The following EXT1 variants were observed in gnomAD, a reference collection of about 807,000 sequenced individuals.
The protein encoded by EXT1 is exostosin glycosyltransferase 1.
In EXT1, 20 loss-of-function variants were observed where a neutral mutation model predicts 82.5. That is an observed-to-expected ratio of 0.24 (90% confidence interval 0.17 to 0.35). The LOEUF (loss-of-function observed/expected upper bound fraction) is 0.35. Among genes scored for constraint, EXT1 ranks in the 10% least tolerant of loss-of-function variants. The pLI is 1.00. For synonymous variants in EXT1, 348 were observed against 350.8 expected (o/e 0.99, Z 0.09); for missense variants, 757 against 936.5 (o/e 0.81, Z 2.50).
rs552858376 is a variant in EXT1 at position 117,994,515 on chromosome 8, G to A, written c.962+115570C>T. ...AGTCCCAGCTACTAGGGAGAGTGAG[G>A]CAGGAGGATCACTTGAGCCTGGGAG... On this transcript the variant is annotated intron_variant, in intron 1 of 10. Coordinates refer to ENST00000378204, the MANE Select transcript of EXT1 (RefSeq NM_000127.3). 2.0e-5 allele frequency among the ~76,000 whole-genome samples: 3 copies of A among 152,278 alleles called. No homozygotes were observed. The South Asian group carries it at 6.2e-4, about 32-fold the overall frequency.
At chr8:118,029,418 C>A (rs1047033430) in intron 1 of EXT1, among the ~76,000 whole-genome samples, 13 of 152,260 alleles carry the variant, frequency 8.5e-5, no homozygotes, top group Non-Finnish European at 1.3e-4. Context: ...GAGACCTCAT[C>A]TCTTTATTAA....
At chr8:117,846,341 C>T (rs1490691903) in intron 1 of EXT1, among the ~76,000 whole-genome samples, 1 of 152,078 alleles carries the variant, frequency 6.6e-6, no homozygotes, top group Non-Finnish European at 1.5e-5. Flanking sequence ...CTCCTGGCCT[C>T]AAGTGATACA....
At chr8:117,948,008 G>A (rs997836210) in intron 1 of EXT1, among the ~76,000 whole-genome samples, 3 of 152,158 alleles carry the variant, frequency 2.0e-5, no homozygotes, top group Non-Finnish European at 4.4e-5. Context: ...AGTGATGAAT[G>A]AGGAAATACC....
At chr8:118,044,807 G>A (rs891414669) in intron 1 of EXT1, among the ~76,000 whole-genome samples, 7 of 152,148 alleles carry the variant, frequency 4.6e-5, no homozygotes, top group African/African-American at 1.7e-4. Context: ...CCGAGTAGCT[G>A]GGACTACAGG....
At chr8:118,019,430 C>T (rs1465252457) in intron 1 of EXT1, among the ~76,000 whole-genome samples, 3 of 152,122 alleles carry the variant, frequency 2.0e-5, no homozygotes, top group East Asian at 1.9e-4. Flanking sequence ...AGAGAGAATA[C>T]GACTCAGAGC....
At chr8:117,868,690 T>A (rs959426885) in intron 1 of EXT1, among the ~76,000 whole-genome samples, 1 of 152,004 alleles carries the variant, frequency 6.6e-6, no homozygotes, top group Non-Finnish European at 1.5e-5. Context: ...GCTCAAGCAA[T>A]CCTCTCACCT....
chr8:118,037,262 G>A (rs1401414879), intron 1 of EXT1, among the ~76,000 whole-genome samples: 1 of 152,088 alleles, frequency 6.6e-6, no homozygotes, highest in Non-Finnish European at 1.5e-5. Context: ...TTATGTCAAG[G>A]CGTGGGAGGG....
chr8:117,985,601 G>A (rs960423865), intron 1 of EXT1, among the ~76,000 whole-genome samples: 27 of 151,400 alleles, frequency 1.8e-4, no homozygotes, highest in African/African-American at 5.8e-4. Flanking sequence ...AGAACTGGGA[G>A]GAAAAAAATG....
intron 1 of EXT1, among the ~76,000 whole-genome samples, chr8:117,856,510 C>T (rs1010761773): frequency 6.6e-6 from 1 of 150,670 alleles, no homozygotes; most frequent in Non-Finnish European, 1.5e-5. Flanking sequence ...TCATGATCCG[C>T]CCACCTCGGC....
intron 1 of EXT1, among the ~76,000 whole-genome samples, chr8:117,985,193 C>A (rs996538578): frequency 1.3e-5 from 2 of 152,186 alleles, no homozygotes; most frequent in African/African-American, 4.8e-5. Context: ...TCTGAGGGAT[C>A]TCTGAATAAA....
chr8:117,864,768 CA>C (rs767778554), intron 1 of EXT1, among the ~76,000 whole-genome samples: 3,583 of 117,486 alleles, frequency 0.03, 127 homozygotes, highest in African/African-American at 0.092. Context: ...AAAAAAATCG[CA>C]AAAAAAAAAA....
chr8:117,808,255 T>C (rs528456370), intron 8 of EXT1, among the ~76,000 whole-genome samples: 6 of 152,372 alleles, frequency 3.9e-5, no homozygotes, highest in African/African-American at 1.2e-4. Flanking sequence ...CAAACAATCA[T>C]ATAATGCTCA....
In EXT1 at chr8:118,025,435, A is replaced by C. The variant is rs113850160; in HGVS notation, c.962+84650T>G. Among the ~76,000 whole-genome samples, 185 of 152,296 alleles carry C rather than the reference A, an allele frequency of 1.2e-3. 1 individual carries two copies. The highest frequency in any genetic ancestry group is 4.4e-3 in the African/African-American group (184 of 41,560). On this transcript the variant is annotated intron_variant, in intron 1 of 10. Coordinates refer to ENST00000378204, the MANE Select transcript of EXT1 (RefSeq NM_000127.3). ...CACTAGGTCAAGATAACAAAATGAG[A>C]GAAGAGCTTGCTATTATTATCTATT...
intron 1 of EXT1, among the ~76,000 whole-genome samples, chr8:117,878,159 A>T (rs1586259164): frequency 6.6e-6 from 1 of 152,198 alleles, no homozygotes; most frequent in African/African-American, 2.4e-5. Context: ...CTGTAGTCTC[A>T]GCTACTAGGA....
chr8:117,873,372 T>C (rs1050431542), intron 1 of EXT1, among the ~76,000 whole-genome samples: 8 of 152,160 alleles, frequency 5.3e-5, no homozygotes, highest in Middle Eastern at 3.4e-3. Flanking sequence ...AAACTACAAT[T>C]TCCCATGAAG....
At chr8:117,815,174 T>C (rs142504679) in intron 7 of EXT1, among the ~76,000 whole-genome samples, 3 of 152,320 alleles carry the variant, frequency 2.0e-5, no homozygotes, top group African/African-American at 7.2e-5. Context: ...GCAGAAACCA[T>C]TAGCTGCCAG....
chr8:117,946,568 C>T (rs1226793384), intron 1 of EXT1, among the ~76,000 whole-genome samples: 1 of 152,106 alleles, frequency 6.6e-6, no homozygotes, highest in Non-Finnish European at 1.5e-5. Context: ...CCTACAGGAG[C>T]GGGCAGGCAC....
chr8:117,825,163 C>T (rs1384159847), intron 4 of EXT1, among the ~76,000 whole-genome samples: 1 of 152,204 alleles, frequency 6.6e-6, no homozygotes, highest in Non-Finnish European at 1.5e-5. Flanking sequence ...TGAGCCACCG[C>T]TCCAGACCAG....
intron 1 of EXT1, among the ~76,000 whole-genome samples, chr8:117,919,228 C>A (rs1490980482): frequency 1.3e-5 from 2 of 151,618 alleles, no homozygotes; most frequent in Admixed American, 1.3e-4. Context: ...CATTTTGTCA[C>A]CCAGGCTGGA....
Sources: gnomAD v4.1 joint callset for allele counts (sites outside exome capture counted in the v4.1 genomes callset) on GRCh38, gnomAD v4.1.1 for gene constraint, MANE v1.5 for transcripts, NCBI Gene and HGNC (gene_info 2026-07-23, HGNC 2026-07-21) for gene names.